Variants in ANAPC2 observed in about 807,000 individuals in gnomAD.
ANAPC2 encodes anaphase-promoting complex subunit 2.
ANAPC2 carries 29 observed loss-of-function variants against 84.3 expected under a neutral mutation model. The ratio of observed to expected loss-of-function variants is 0.34; its 90% CI spans 0.26 to 0.47. ANAPC2 has a LOEUF of 0.47. Among genes scored for constraint, ANAPC2 ranks in the 20% least tolerant of loss-of-function variants. The probability of loss-of-function intolerance (pLI) is 1.00; values close to 1 mark genes in which losing one functional copy is unlikely to be tolerated. For missense variants in ANAPC2, 857 were observed against 1,131.7 expected, an observed-to-expected ratio of 0.76 and a Z score of 3.48; for synonymous variants, 571 against 479.4, an observed-to-expected ratio of 1.19 and a Z score of -2.50.
chr9:137,180,684 C>A, intron 8 of ANAPC2, 104 bp downstream of exon 8: 3 of 1,565,600 alleles, frequency 1.9e-6, no homozygotes, highest in Non-Finnish European at 2.6e-6. Flanking sequence ...GGCGGAAGCA[C>A]AGCTCCAACC....
rs774311433 is a variant in ANAPC2, at chr9:137,175,217, C to T, written c.2256+20G>A. On this transcript the variant is annotated intron_variant, in intron 12 of 12. Transcript: ENST00000323927. ...GCCTCGCCCCCGCCCCCTGGCCCCC[C>T]GTGGGGCCTGCACGCGCACCAGCAG... The T allele has an allele frequency of 1.5e-5, 24 of 1,609,174 alleles. No individual in the cohort carries two copies. The highest frequency in any genetic ancestry group is 2.2e-5 in the East Asian group (1 of 44,704).
At chr9:137,175,516 C>G in intron 11 of ANAPC2, 44 bp from the exon 12 acceptor site, 1 of 1,510,068 alleles carries the variant, frequency 6.6e-7, no homozygotes, top group South Asian at 1.3e-5. Context: ...TGGGCACGGG[C>G]TGCACCTCCC....
At position 137,178,561 on chromosome 9, in the gene ANAPC2, G is replaced by A. The variant is rs75514775; in HGVS notation, c.1890+1620C>T. On this transcript the variant is annotated intron_variant, in intron 10 of 12. Transcript: ENST00000323927. ...CCAGAGGGGCAGGGGGAAAGGGACCGAGCACGGAGCCGGGCCACACGGATG... is the reference window on the plus strand; with the variant it reads ...CCAGAGGGGCAGGGGGAAAGGGACCAAGCACGGAGCCGGGCCACACGGATG... Among the ~76,000 whole-genome samples, 793 of 152,276 alleles carry A rather than the reference G, an allele frequency of 5.2e-3. 6 individuals carry two copies. Among genetic ancestry groups the A allele is most frequent in the African/African-American group, 0.016 (671 of 41,534 alleles).
intron 8 of ANAPC2, 112 bp downstream of exon 8, chr9:137,180,670 TGGGGGC>T (rs1187586780): frequency 3.1e-5 from 49 of 1,561,872 alleles, no homozygotes; most frequent in Non-Finnish European, 2.5e-5. Flanking sequence ...CAGCCAGGAG[TGGGGGC>T]GGAAGCACAG....
At chr9:137,176,031 G>A (rs541561241) in intron 10 of ANAPC2, 194 bp from the exon 11 acceptor site, 58 of 611,492 alleles carry the variant, frequency 9.5e-5, no homozygotes, top group South Asian at 6.5e-4. Flanking sequence ...AGGGCAATGG[G>A]GCCAGCATCA....
At chr9:137,182,482 C>T (rs949455722) in intron 6 of ANAPC2, among the ~76,000 whole-genome samples, 3 of 151,522 alleles carry the variant, frequency 2.0e-5, no homozygotes, top group Non-Finnish European at 2.9e-5. Context: ...GCACTCCAGC[C>T]TGGGCGAAAG....
At chr9:137,178,548 G>A (rs1834271366) in intron 10 of ANAPC2, among the ~76,000 whole-genome samples, 1 of 152,186 alleles carries the variant, frequency 6.6e-6, no homozygotes, top group African/African-American at 2.4e-5. Flanking sequence ...AGAGGGGCAG[G>A]GGGAAAGGGA....
At chr9:137,186,478 C>A in intron 2 of ANAPC2, 122 bp from the exon 3 acceptor site, 16 of 1,184,798 alleles carry the variant, frequency 1.4e-5, no homozygotes, top group Non-Finnish European at 1.6e-5. Flanking sequence ...ACACACACAC[C>A]CAGCACACAC....
At chr9:137,177,240 G>A (rs58461684) in intron 10 of ANAPC2, among the ~76,000 whole-genome samples, 2,251 of 152,342 alleles carry the variant, frequency 0.015, 57 homozygotes, top group African/African-American at 0.046. Flanking sequence ...CAAGGCTGAC[G>A]GAGCAGGGGG....
Position 137,180,892 on chromosome 9 carries a change from G to C in ANAPC2, c.1506C>G (p.Ile502Met), listed in dbSNP as rs1425323455. The C allele has an allele frequency of 6.2e-7, 1 of 1,613,526 alleles. No homozygotes were observed. Residue 502 changes from isoleucine to methionine, a missense_variant, in exon 8 of 13, where the codon ATC (isoleucine) becomes ATG (methionine). Ile to Met is a conservative substitution (Grantham distance 10). Coordinates refer to ENST00000323927, the MANE Select transcript of ANAPC2 (RefSeq NM_013366.4). Reference sequence around the variant, plus strand: ...TGCCGTAGATGCTGACCAGCAGGCTGATGATGTCCGATGAACGCCGCTTGG... The same window carrying C: ...TGCCGTAGATGCTGACCAGCAGGCTCATGATGTCCGATGAACGCCGCTTGG... ...SSSKRRSSDI[I>M]SLLVSIYGSK...
intron 2 of ANAPC2, 74 bp from the exon 3 acceptor site, chr9:137,186,430 G>A: frequency 6.6e-7 from 1 of 1,512,826 alleles, no homozygotes; most frequent in Non-Finnish European, 8.9e-7. Context: ...CCCCATGCCA[G>A]GACTGCCCTG....
chr9:137,177,782 C>T (rs866092145), intron 10 of ANAPC2, among the ~76,000 whole-genome samples: 22 of 151,468 alleles, frequency 1.5e-4, no homozygotes, highest in African/African-American at 4.4e-4. Context: ...ATTAAGATGA[C>T]GTCACCCTGG....
In ANAPC2 at chr9:137,185,003, T is replaced by C. The variant is rs1392450128; in HGVS notation, c.958A>G (p.Thr320Ala). Residue 320 changes from threonine to alanine, a missense_variant, in exon 4 of 13, where the codon ACC (threonine) becomes GCC (alanine). Transcript: ENST00000323927. ...ARPASPEAGN[T>A]LRRWRCHVQR... Reference sequence around the variant, plus strand: ...ACGTGGCAGCGCCAGCGGCGCAGGGTGTTGCCGGCCTCGGGAGATGCGGGC... The same window carrying C: ...ACGTGGCAGCGCCAGCGGCGCAGGGCGTTGCCGGCCTCGGGAGATGCGGGC... 3 of 1,608,332 alleles carry C rather than the reference T, an allele frequency of 1.9e-6. No homozygotes were observed. The East Asian group carries it at 6.7e-5, about 36-fold the overall frequency.
In ANAPC2 at chr9:137,175,826, G is replaced by A. The variant is rs756028233; in HGVS notation, c.1902C>T (p.Thr634=). ...KKYEQLKAMR[T]LSWKHTLGLV... The stretch of plus-strand genomic sequence containing the variant: ...GGCCCAGGGTGTGCTTCCAACTGAG[G>A]GTCCGCATGGCCTAAGGAGGGCCAG... The change falls in exon 11 of 13, where the codon ACC becomes ACT. Residue 634 remains threonine (T), a synonymous_variant. Coordinates refer to ENST00000323927, the MANE Select transcript of ANAPC2 (RefSeq NM_013366.4). 5.6e-6 allele frequency: 9 copies of A among 1,606,396 alleles called. No individual in the cohort carries two copies. Among genetic ancestry groups the A allele is most frequent in the Admixed American group, 1.7e-5 (1 of 59,326 alleles).
intron 6 of ANAPC2, among the ~76,000 whole-genome samples, chr9:137,182,771 C>A (rs1834371935): frequency 6.6e-6 from 1 of 152,202 alleles, no homozygotes; most frequent in South Asian, 2.1e-4. Flanking sequence ...AAGGCCAGGA[C>A]AGCAGAGCCC....
chr9:137,183,412 C>G (rs1485457854), intron 5 of ANAPC2, 170 bp from the exon 6 acceptor site: 2 of 759,598 alleles, frequency 2.6e-6, no homozygotes, highest in African/African-American at 1.7e-5. Flanking sequence ...AGGTCCCGCC[C>G]TGCAGGGAGG....
intron 2 of ANAPC2, chr9:137,187,168 G>A: frequency 2.7e-6 from 1 of 365,564 alleles, no homozygotes; most frequent in Non-Finnish European, 5.0e-6. Flanking sequence ...TCCTCCCCAG[G>A]ATCGACAAAA....
At chr9:137,186,609 C>T in intron 2 of ANAPC2, 1 of 510,788 alleles carries the variant, frequency 2.0e-6, no homozygotes, top group African/African-American at 1.9e-5. Flanking sequence ...CAGGTAGGGA[C>T]ACTGGCCTTC....
In ANAPC2 at chr9:137,175,225, C is replaced by G; in HGVS notation, c.2256+12G>C. 6.2e-7 allele frequency: 1 copy of G among 1,610,740 alleles called. No homozygotes were observed. The highest frequency in any genetic ancestry group is 1.1e-5 in the South Asian group (1 of 90,766). The stretch of plus-strand genomic sequence containing the variant: ...CCCGCCCCCTGGCCCCCCGTGGGGC[C>G]TGCACGCGCACCAGCAGCTCCTCCT... On this transcript the variant is annotated intron_variant, in intron 12 of 12. Transcript: ENST00000323927.
Sources: allele counts gnomAD v4.1 joint callset (sites outside exome capture counted in the v4.1 genomes callset), GRCh38; gene constraint gnomAD v4.1.1; transcripts MANE v1.5; gene names NCBI Gene and HGNC (gene_info 2026-07-23, HGNC 2026-07-21).